Variants in EML4 observed in about 807,000 individuals in gnomAD.
EML4 encodes the protein echinoderm microtubule-associated protein-like 4.
Under a neutral mutation model 129.0 loss-of-function variants are expected in EML4, and 72 were observed. The observed-to-expected ratio is 0.56, with a 90% CI of 0.46 to 0.68. EML4 has a LOEUF of 0.68. EML4 is among the 30% of genes least tolerant of loss of function. The pLI, the probability that EML4 is intolerant of heterozygous loss-of-function variation, is 0.00. For missense variants in EML4, 1,363 were observed against 1,190.6 expected (o/e 1.14, Z -2.13); for synonymous variants, 532 against 405.0 (o/e 1.31, Z -3.77).
intron 1 of EML4, among the ~76,000 whole-genome samples, chr2:42,240,999 CT>C (rs1447752839): frequency 6.6e-6 from 1 of 152,050 alleles, no homozygotes; most frequent in African/African-American, 2.4e-5. Context: ...TAAAAGTTAG[CT>C]GGGTGTGGTG....
chr2:42,207,062 A>G (rs1378809068), intron 1 of EML4, among the ~76,000 whole-genome samples: 1 of 152,242 alleles, frequency 6.6e-6, no homozygotes, highest in Admixed American at 6.5e-5. Flanking sequence ...ATATGTGTTC[A>G]GTACACTGTA....
intron 2 of EML4, among the ~76,000 whole-genome samples, chr2:42,246,841 A>G (rs1675433419): frequency 6.6e-6 from 1 of 152,198 alleles, no homozygotes. Context: ...TAAAACAAAG[A>G]CTGAGAGATG....
intron 14 of EML4, among the ~76,000 whole-genome samples, 193 bp from the exon 15 acceptor site, chr2:42,302,911 T>C (rs1668373254): frequency 6.6e-6 from 1 of 152,182 alleles, no homozygotes; most frequent in African/African-American, 2.4e-5. Flanking sequence ...CAAAGAATGT[T>C]GATAATTATT....
chr2:42,328,103 A>T (rs1371395238), intron 21 of EML4, among the ~76,000 whole-genome samples: 2 of 152,214 alleles, frequency 1.3e-5, no homozygotes, highest in Admixed American at 1.3e-4. Context: ...TTTAATGAAG[A>T]CATTATTTAT....
chr2:42,328,655 G>T (rs988065925), intron 21 of EML4, among the ~76,000 whole-genome samples: 3 of 152,130 alleles, frequency 2.0e-5, no homozygotes, highest in Non-Finnish European at 4.4e-5. Flanking sequence ...GAGTCTTTAA[G>T]TTTTCCATTT....
chr2:42,276,392 C>A (rs952843346), intron 6 of EML4, among the ~76,000 whole-genome samples: 3 of 152,092 alleles, frequency 2.0e-5, no homozygotes, highest in African/African-American at 7.2e-5. Flanking sequence ...AATACAGTGT[C>A]CCCACCCTCA....
intron 1 of EML4, among the ~76,000 whole-genome samples, chr2:42,223,431 T>C (rs946696008): frequency 1.4e-4 from 22 of 152,176 alleles, no homozygotes; most frequent in Non-Finnish European, 1.3e-4. Flanking sequence ...TGAAGCTAAA[T>C]CATTTGAACC....
intron 14 of EML4, among the ~76,000 whole-genome samples, chr2:42,302,355 T>C (rs1035418816): frequency 2.6e-5 from 4 of 152,076 alleles, no homozygotes; most frequent in African/African-American, 7.2e-5. Flanking sequence ...GAGAATATTT[T>C]TATATTTTGA....
At chr2:42,195,402 A>C (rs896688905) in intron 1 of EML4, among the ~76,000 whole-genome samples, 1 of 152,228 alleles carries the variant, frequency 6.6e-6, no homozygotes, top group Non-Finnish European at 1.5e-5. Context: ...AATAAGCAAA[A>C]ATAAATTGAT....
intron 1 of EML4, among the ~76,000 whole-genome samples, chr2:42,208,928 G>A (rs375308903): frequency 5.8e-4 from 88 of 151,872 alleles, no homozygotes; most frequent in African/African-American, 2.0e-3. Flanking sequence ...GTCCCTATAG[G>A]TACCCATCCC....
rs542047151 is a variant in EML4 at position 42,190,152 on chromosome 2, A to G, written c.25+20516A>G. 1.1e-4 allele frequency among the ~76,000 whole-genome samples: 16 copies of G among 152,330 alleles called. No homozygotes were observed. In the Middle Eastern group the frequency reaches 0.01, roughly 97 times the overall value. ...TTTAAGAATTAAAGATGTTCTTGTC[A>G]GGATGATAGAACTTAAGCTTTAGAC... On this transcript the variant is annotated intron_variant, in intron 1 of 22. Coordinates refer to ENST00000318522, the MANE Select transcript of EML4 (RefSeq NM_019063.5).
intron 13 of EML4, among the ~76,000 whole-genome samples, chr2:42,298,008 T>C (rs1287048366): frequency 4.6e-5 from 7 of 152,202 alleles, no homozygotes; most frequent in Non-Finnish European, 1.0e-4. Context: ...ATTTATTTCC[T>C]ACACATATGA....
intron 17 of EML4, among the ~76,000 whole-genome samples, chr2:42,306,637 C>T (rs185240324): frequency 9.5e-4 from 142 of 149,524 alleles, no homozygotes; most frequent in South Asian, 7.0e-3. Flanking sequence ...GGACTACAGG[C>T]GCCCTGCCAC....
chr2:42,306,484 C>CTTTTTTTT (rs375707062), intron 17 of EML4, among the ~76,000 whole-genome samples: 7 of 74,604 alleles, frequency 9.4e-5, no homozygotes, highest in East Asian at 1.1e-3. Flanking sequence ...GTGCTAAATC[C>CTTTTTTTT]TTTTTTTTTT....
At chr2:42,236,513 C>G (rs1040108610) in intron 1 of EML4, among the ~76,000 whole-genome samples, 1 of 152,138 alleles carries the variant, frequency 6.6e-6, no homozygotes, top group Admixed American at 6.6e-5. Flanking sequence ...GGAACATAGC[C>G]ACACCCATTC....
intron 13 of EML4, among the ~76,000 whole-genome samples, chr2:42,299,674 T>TG (rs528252558): frequency 1.9e-4 from 29 of 152,100 alleles, no homozygotes; most frequent in African/African-American, 7.0e-4. Flanking sequence ...TTTCACTTAG[T>TG]TTTTTTTGTT....
intron 11 of EML4, among the ~76,000 whole-genome samples, chr2:42,292,028 A>G (rs373900437): frequency 6.6e-6 from 1 of 152,242 alleles, no homozygotes; most frequent in Non-Finnish European, 1.5e-5. Context: ...ACTCTCACAC[A>G]GTGCTGCTGG....
chr2:42,244,097 T>TTTCG (rs1675219944), intron 1 of EML4, among the ~76,000 whole-genome samples: 2 of 47,046 alleles, frequency 4.3e-5, no homozygotes, highest in Non-Finnish European at 9.7e-5. Context: ...TGTTTTTGTT[T>TTTCG]TTTGTTTTTT....
chr2:42,262,667 T>C (rs530899952), intron 4 of EML4, among the ~76,000 whole-genome samples: 1 of 152,342 alleles, frequency 6.6e-6, no homozygotes, highest in African/African-American at 2.4e-5. Context: ...ACCACATTCT[T>C]ATATAAAGTC....
Sources: allele counts gnomAD v4.1 joint callset (sites outside exome capture counted in the v4.1 genomes callset), GRCh38; gene constraint gnomAD v4.1.1; transcripts MANE v1.5; gene names NCBI Gene and HGNC (gene_info 2026-07-23, HGNC 2026-07-21).